The following TP73 variants were observed in gnomAD, a reference collection of about 807,000 sequenced individuals.
TP73 encodes the protein p53-like transcription factor.
In TP73, 25 loss-of-function variants were observed where a neutral mutation model predicts 62.5. The ratio of observed to expected loss-of-function variants is 0.40; its 90% confidence interval spans 0.29 to 0.56. The LOEUF (loss-of-function observed/expected upper bound fraction) is 0.56, where lower values mean the gene tolerates loss of function less well. TP73 is among the 20% of genes least tolerant of loss of function. The pLI, the probability that TP73 is intolerant of heterozygous loss-of-function variation, is 0.46. For synonymous variants in TP73, 423 were observed against 377.5 expected, an observed-to-expected ratio of 1.12 and a Z score of -1.40; for missense variants, 754 against 913.3, an observed-to-expected ratio of 0.83 and a Z score of 2.25.
Position 3,707,533 on chromosome 1 carries a change from C to T in TP73, c.187-16C>T, listed in dbSNP as rs762387655. On this transcript the variant is annotated splice_polypyrimidine_tract_variant and intron_variant, in intron 3 of 13. Transcript: ENST00000378295. ...TGTGTGTGTTTCCCCCTCCCTCCTC[C>T]CCTTTCCCGCGCCAGGCCCAGTTCA... 9 of 1,600,190 alleles carry T rather than the reference C, an allele frequency of 5.6e-6. No individual in the cohort carries two copies. The highest frequency in any genetic ancestry group is 6.8e-6 in the Non-Finnish European group (8 of 1,169,772).
intron 4 of TP73, among the ~76,000 whole-genome samples, chr1:3,713,951 TG>T (rs938098521): frequency 2.6e-5 from 4 of 151,974 alleles, no homozygotes; most frequent in Non-Finnish European, 5.9e-5. Flanking sequence ...TCAGAGCCCA[TG>T]GGGAAACCGC....
At chr1:3,661,066 T>C (rs1644977060) in intron 1 of TP73, among the ~76,000 whole-genome samples, 1 of 152,254 alleles carries the variant, frequency 6.6e-6, no homozygotes, top group Admixed American at 6.5e-5. Flanking sequence ...AGTGCTTCCA[T>C]GCAAATTTAG....
rs372028044 is a variant in TP73, at chr1:3,699,060, C to G, written c.187-8489C>G. ...GCAGAGGGTGCTGTGGGTGAGAGCACAGGGTGCTGTGGGTGAGAGCAGAGG... is the reference window on the plus strand; with the variant it reads ...GCAGAGGGTGCTGTGGGTGAGAGCAGAGGGTGCTGTGGGTGAGAGCAGAGG... On this transcript the variant is annotated intron_variant, in intron 3 of 13. Coordinates refer to ENST00000378295, the MANE Select transcript of TP73 (RefSeq NM_005427.4). This position sits in a 1 kb window ranked among gnomAD's most constrained non-coding sequence, Gnocchi z 4.1. Among the ~76,000 whole-genome samples, 2 of 151,344 alleles carry G rather than the reference C, an allele frequency of 1.3e-5. No homozygotes were observed. Among genetic ancestry groups the G allele is most frequent in the Admixed American group, 6.6e-5 (1 of 15,222 alleles).
intron 3 of TP73, among the ~76,000 whole-genome samples, chr1:3,689,917 C>A (rs78360892): frequency 1.3e-5 from 2 of 152,306 alleles, no homozygotes; most frequent in South Asian, 4.1e-4. Context: ...GTACCCAAGA[C>A]GGCTGAAATA....
At chr1:3,727,502 T>A (rs1477409743) in intron 7 of TP73, 126 bp from the exon 8 acceptor site, 1 of 1,353,364 alleles carries the variant, frequency 7.4e-7, no homozygotes, top group East Asian at 2.5e-5. Flanking sequence ...CTGCCGGCAC[T>A]GGGTGCTCTG....
intron 3 of TP73, among the ~76,000 whole-genome samples, chr1:3,689,885 C>T (rs1645765225): frequency 1.3e-5 from 2 of 152,140 alleles, no homozygotes; most frequent in African/African-American, 4.8e-5. Flanking sequence ...GGGACTCGGG[C>T]CCCTCTGCCA....
chr1:3,689,535 T>G (rs925252776), intron 3 of TP73, among the ~76,000 whole-genome samples: 8 of 152,004 alleles, frequency 5.3e-5, no homozygotes, highest in African/African-American at 1.4e-4. Flanking sequence ...CCAGGGCTCC[T>G]CAGGCAGCTG....
intron 1 of TP73, among the ~76,000 whole-genome samples, chr1:3,656,125 G>A (rs1419487116): frequency 3.3e-5 from 5 of 150,616 alleles, no homozygotes; most frequent in African/African-American, 4.9e-5. Context: ...GCAGTGAGCT[G>A]AGATCACGCA....
intron 9 of TP73, 56 bp downstream of exon 9, chr1:3,728,273 C>A: frequency 6.4e-7 from 1 of 1,569,874 alleles, no homozygotes; most frequent in Non-Finnish European, 8.7e-7. Flanking sequence ...CTGTCGTCTG[C>A]TGAGCCCAGG....
Position 3,733,743 on chromosome 1 carries a change from CG to C in TP73, c.*665del. The C allele has an allele frequency of 6.6e-6, 1 of 152,430 alleles. No individual in the cohort carries two copies. The highest frequency in any genetic ancestry group is 2.4e-5 in the African/African-American group (1 of 41,534). The allele number at this position is 152,430 out of a possible 1,614,324, so 9.4% of individuals were successfully genotyped here. A position where few individuals can be genotyped will look rare whatever the true frequency, so the allele number is the denominator to read the frequency against. ...TGAAATTGGAGAAAACTGGGGAGGG[CG>C]CAACCCCCCCCAGGCGCGGGGAAGC... On this transcript the variant is annotated 3_prime_UTR_variant, in exon 14 of 14. Coordinates refer to ENST00000378295, the MANE Select transcript of TP73 (RefSeq NM_005427.4).
chr1:3,685,738 G>A (rs757036290), intron 3 of TP73, among the ~76,000 whole-genome samples: 3 of 152,220 alleles, frequency 2.0e-5, no homozygotes, highest in Non-Finnish European at 4.4e-5. Context: ...GAGTGGGGCT[G>A]GAGCTGAACT....
At chr1:3,689,609 C>T (rs1034345592) in intron 3 of TP73, among the ~76,000 whole-genome samples, 14 of 152,042 alleles carry the variant, frequency 9.2e-5, no homozygotes, top group African/African-American at 3.1e-4. Flanking sequence ...GGGTGGGGAG[C>T]GATGAGGCCC....
intron 7 of TP73, 160 bp downstream of exon 7, chr1:3,727,384 C>G: frequency 1.1e-6 from 1 of 926,606 alleles, no homozygotes; most frequent in Non-Finnish European, 1.6e-6. Context: ...GCCTGCAGGG[C>G]CTGCCTGGGC....
chr1:3,679,529 ATCTC>A (rs201955024), intron 1 of TP73, among the ~76,000 whole-genome samples: 3,884 of 112,600 alleles, frequency 0.034, 94 homozygotes, highest in African/African-American at 0.072. Context: ...GTCTCTCTCC[ATCTC>A]TCTGTCTCTC....
chr1:3,708,574 T>C (rs1325228118), intron 4 of TP73: 1 of 152,288 alleles, frequency 6.6e-6, no homozygotes, highest in East Asian at 1.9e-4. Flanking sequence ...GTTCTGCTCA[T>C]AGTAAGTGGG....
chr1:3,699,031 G>A lies in TP73; in HGVS notation c.187-8518G>A, dbSNP rs1321768265. On this transcript the variant is annotated intron_variant, in intron 3 of 13. Coordinates refer to ENST00000378295, the MANE Select transcript of TP73 (RefSeq NM_005427.4). This position sits in a 1 kb window ranked among gnomAD's most constrained non-coding sequence, Gnocchi z 4.1. ...GCAAGGCCTCGCCTCAGCCCCGGGT[G>A]AGAGCAGAGGGTGCTGTGGGTGAGA... is the stretch of plus-strand genomic sequence containing the variant. 1.3e-5 allele frequency among the ~76,000 whole-genome samples: 2 copies of A among 152,298 alleles called. No homozygotes were observed. Among genetic ancestry groups the A allele is most frequent in the African/African-American group, 2.4e-5 (1 of 41,548 alleles).
Position 3,711,479 on chromosome 1 carries a change from G to A in TP73, c.429+3688G>A, listed in dbSNP as rs533396942. ...CCTCTAGCTGTCAGAACAGCCCGACGCGATGGGCATCGGATGCTGTGACAC... is the reference window on the plus strand; with the variant it reads ...CCTCTAGCTGTCAGAACAGCCCGACACGATGGGCATCGGATGCTGTGACAC... On this transcript the variant is annotated intron_variant, in intron 4 of 13. Coordinates refer to ENST00000378295, the MANE Select transcript of TP73 (RefSeq NM_005427.4). Among the ~76,000 whole-genome samples, 229 of 152,384 alleles carry A rather than the reference G, an allele frequency of 1.5e-3. 1 individual carries two copies. Among genetic ancestry groups the A allele is most frequent in the African/African-American group, 5.1e-3 (213 of 41,586 alleles).
chr1:3,713,435 C>T (rs1640327568), intron 4 of TP73, among the ~76,000 whole-genome samples: 1 of 152,236 alleles, frequency 6.6e-6, no homozygotes, highest in African/African-American at 2.4e-5. Flanking sequence ...GGACCCAGTG[C>T]TGACGCCAAG....
intron 4 of TP73, among the ~76,000 whole-genome samples, chr1:3,718,872 G>GCCC (rs1370514706): frequency 6.6e-6 from 1 of 151,818 alleles, no homozygotes; most frequent in East Asian, 1.9e-4. Context: ...TGTGGCTCCA[G>GCCC]CCCCCCGCAA....
Sources: allele counts gnomAD v4.1 joint callset (sites outside exome capture counted in the v4.1 genomes callset), GRCh38; gene constraint gnomAD v4.1.1; non-coding constraint Gnocchi (gnomAD v3.1); transcripts MANE v1.5; gene names NCBI Gene and HGNC (gene_info 2026-07-23, HGNC 2026-07-21).